Variants in SLC9A4 observed in about 807,000 individuals in gnomAD.
SLC9A4 encodes the protein solute carrier family 9 member A4.
A neutral mutation model predicts 67.4 loss-of-function variants in SLC9A4; 63 were observed. The observed-to-expected ratio is 0.93, with a 90% CI of 0.76 to 1.15. The LOEUF is 1.15. Ranked by LOEUF, SLC9A4 falls within the 50% of genes most tolerant of loss-of-function variation. The pLI is 0.00. For synonymous variants in SLC9A4, 393 were observed against 367.2 expected, an observed-to-expected ratio of 1.07 and a Z score of -0.80; for missense variants, 1,089 against 987.7, an observed-to-expected ratio of 1.10 and a Z score of -1.38.
At chr2:102,483,036 T>C (rs1480255750) in intron 2 of SLC9A4, among the ~76,000 whole-genome samples, 1 of 152,214 alleles carries the variant, frequency 6.6e-6, no homozygotes, top group Non-Finnish European at 1.5e-5. Context: ...CAACATGTGT[T>C]TGACTTCCCC....
Position 102,519,842 on chromosome 2 carries a change from T to G in SLC9A4, c.1722-17T>G. On this transcript the variant is annotated splice_polypyrimidine_tract_variant and intron_variant, in intron 8 of 11. Coordinates refer to ENST00000295269, the MANE Select transcript of SLC9A4 (RefSeq NM_001011552.4). ...ATGAAAGAATAATGTTTGTCTCTTC[T>G]CCAATAATGATTCCAGGGCCCAGAG... 6.2e-7 allele frequency: 1 copy of G among 1,611,926 alleles called. No individual in the cohort carries two copies. The highest frequency in any genetic ancestry group is 8.5e-7 in the Non-Finnish European group (1 of 1,178,474).
At position 102,512,004 on chromosome 2, in the gene SLC9A4, T is replaced by C. The variant is rs371351965; in HGVS notation, c.1489-199T>C. On this transcript the variant is annotated intron_variant, in intron 6 of 11. Transcript: ENST00000295269. ...ATTATGAAGAAACTTATCTACAGAGTCTTTAAACCAAAGTTGAAATTACTA... is the reference window on the plus strand; with the variant it reads ...ATTATGAAGAAACTTATCTACAGAGCCTTTAAACCAAAGTTGAAATTACTA... Among the ~76,000 whole-genome samples the C allele has an allele frequency of 5.3e-5, 8 of 152,236 alleles. No homozygotes were observed. In the South Asian group the frequency reaches 1.7e-3, roughly 32 times the overall value.
rs1040190188 is a variant in SLC9A4, at chr2:102,473,455, A to T, written c.-305A>T. 2.0e-5 allele frequency: 7 copies of T among 357,896 alleles called. No individual in the cohort carries two copies. The highest frequency in any genetic ancestry group is 3.6e-5 in the Non-Finnish European group (7 of 195,994). 22.2% of individuals were successfully genotyped at this position (357,896 alleles called of 1,614,324 possible). A position where few individuals can be genotyped will look rare whatever the true frequency, so the allele number is the denominator to read the frequency against. The stretch of plus-strand genomic sequence containing the variant: ...AAGTGAAGAGATTTTTATTTCTTTC[A>T]TAAATTGCTCAAGCCATGATTGGAT... On this transcript the variant is annotated 5_prime_UTR_variant, in exon 1 of 12. Transcript: ENST00000295269.
At chr2:102,483,835 T>TA (rs1424356394) in intron 2 of SLC9A4, among the ~76,000 whole-genome samples, 1 of 75,892 alleles carries the variant, frequency 1.3e-5, no homozygotes, top group African/African-American at 5.1e-5. Context: ...TATATATATA[T>TA]ATATATACAC....
chr2:102,497,263 A>T (rs377513080), intron 2 of SLC9A4, among the ~76,000 whole-genome samples: 2 of 152,176 alleles, frequency 1.3e-5, no homozygotes, highest in South Asian at 4.1e-4. Context: ...ACAATTTGGC[A>T]GTTTCTTAAA....
chr2:102,495,525 T>C (rs538411392), intron 2 of SLC9A4, among the ~76,000 whole-genome samples: 126 of 152,218 alleles, frequency 8.3e-4, no homozygotes, highest in Non-Finnish European at 1.5e-3. Context: ...AAAAATCTGT[T>C]TGGAAATGTG....
At chr2:102,518,474 A>G (rs1685324243) in intron 8 of SLC9A4, among the ~76,000 whole-genome samples, 1 of 152,188 alleles carries the variant, frequency 6.6e-6, no homozygotes, top group Non-Finnish European at 1.5e-5. Context: ...ATGCCCTGAT[A>G]ATAATGTTTA....
At chr2:102,494,871 C>T (rs1207736537) in intron 2 of SLC9A4, among the ~76,000 whole-genome samples, 1 of 151,996 alleles carries the variant, frequency 6.6e-6, no homozygotes, top group African/African-American at 2.4e-5. Flanking sequence ...CAGAAAATGA[C>T]AATTCTATAA....
rs771522321 is a variant in SLC9A4, at chr2:102,508,289, G to A, written c.1401+8G>A. ...TTTACTGTATTTATTCAGGTAAGTA[G>A]ATTTCCCTTATATTTAAATAAATAG... is the stretch of plus-strand genomic sequence containing the variant. On this transcript the variant is annotated splice_region_variant and intron_variant, in intron 5 of 11. Transcript: ENST00000295269. 2 of 1,591,312 alleles carry A rather than the reference G, an allele frequency of 1.3e-6. No homozygotes were observed. The highest frequency in any genetic ancestry group is 1.7e-6 in the Non-Finnish European group (2 of 1,163,952).
At chr2:102,505,492 A>G (rs999456668) in intron 4 of SLC9A4, 21 bp downstream of exon 4, 3 of 1,608,208 alleles carry the variant, frequency 1.9e-6, no homozygotes, top group Admixed American at 3.3e-5. Context: ...GCAGGGCTCC[A>G]GAGTCTCCGG....
chr2:102,525,297 T>C, intron 10 of SLC9A4, 142 bp downstream of exon 10: 2 of 1,356,984 alleles, frequency 1.5e-6, no homozygotes, highest in South Asian at 2.8e-5. Context: ...TGAGAGATAC[T>C]AAAGCAAGAG....
chr2:102,501,610 G>A (rs1395272793), intron 2 of SLC9A4, among the ~76,000 whole-genome samples: 2 of 152,034 alleles, frequency 1.3e-5, no homozygotes, highest in Admixed American at 6.5e-5. Flanking sequence ...GGCTTACAGA[G>A]GACCTGGAGG....
At chr2:102,520,062 T>C (rs1380797406) in intron 9 of SLC9A4, 107 bp downstream of exon 9, 1 of 834,610 alleles carries the variant, frequency 1.2e-6, no homozygotes, top group Non-Finnish European at 1.9e-6. Context: ...TCACCCTCTG[T>C]AAGGTGGTAA....
Position 102,496,927 on chromosome 2 carries a change from G to A in SLC9A4, c.721-6521G>A, listed in dbSNP as rs553668034. On this transcript the variant is annotated intron_variant, in intron 2 of 11. Coordinates refer to ENST00000295269, the MANE Select transcript of SLC9A4 (RefSeq NM_001011552.4). Reference sequence around the variant, plus strand: ...TAAAATGATATGATGACTTTGTTTTGTTTTTAATCTATTTTTGAGAGAGAG... The same window carrying A: ...TAAAATGATATGATGACTTTGTTTTATTTTTAATCTATTTTTGAGAGAGAG... Among the ~76,000 whole-genome samples, 76 of 152,254 alleles carry A rather than the reference G, an allele frequency of 5.0e-4. 1 individual carries two copies. The highest frequency in any genetic ancestry group is 4.6e-3 in the Admixed American group (70 of 15,298).
intron 2 of SLC9A4, among the ~76,000 whole-genome samples, chr2:102,485,373 C>A (rs1371450930): frequency 6.6e-6 from 1 of 152,234 alleles, no homozygotes; most frequent in African/African-American, 2.4e-5. Context: ...CAGTTTCTAT[C>A]AGAGACCATT....
chr2:102,500,917 G>A (rs1684916419), intron 2 of SLC9A4, among the ~76,000 whole-genome samples: 1 of 151,278 alleles, frequency 6.6e-6, no homozygotes, highest in South Asian at 2.1e-4. Context: ...TTGCACATGA[G>A]CAATCATTTA....
chr2:102,492,692 T>A (rs1258366736), intron 2 of SLC9A4, among the ~76,000 whole-genome samples: 2 of 152,174 alleles, frequency 1.3e-5, no homozygotes, highest in African/African-American at 4.8e-5. Context: ...CTCTGATATG[T>A]CCTGGAGACC....
intron 8 of SLC9A4, among the ~76,000 whole-genome samples, chr2:102,518,741 C>T (rs952497144): frequency 2.6e-5 from 4 of 152,082 alleles, no homozygotes; most frequent in Non-Finnish European, 4.4e-5. Flanking sequence ...TAAAAGGTGG[C>T]CTGTATTAAA....
rs370672785 is a variant in SLC9A4, at chr2:102,526,596, T to G, written c.2038+250T>G. The stretch of plus-strand genomic sequence containing the variant: ...TTAATTTTTTTCAGCCCCTTAAAAA[T>G]GTACTAACCATTTGTAGTTGACATG... On this transcript the variant is annotated intron_variant, in intron 11 of 11. Coordinates refer to ENST00000295269, the MANE Select transcript of SLC9A4 (RefSeq NM_001011552.4). 1.3e-4 allele frequency among the ~76,000 whole-genome samples: 20 copies of G among 152,224 alleles called. 2 individuals are homozygous for G. Among genetic ancestry groups the G allele is most frequent in the Admixed American group, 1.2e-3 (18 of 15,290 alleles).
Sources: gnomAD v4.1 joint callset for allele counts (sites outside exome capture counted in the v4.1 genomes callset) on GRCh38, gnomAD v4.1.1 for gene constraint, MANE v1.5 for transcripts, NCBI Gene and HGNC (gene_info 2026-07-23, HGNC 2026-07-21) for gene names.